Variants in GXYLT1 observed in about 807,000 individuals in gnomAD.
The protein encoded by GXYLT1 is glucoside xylosyltransferase 1, also known as glycosyltransferase 8 domain containing 3.
Under a neutral mutation model 54.0 loss-of-function variants are expected in GXYLT1, and 29 were observed. The observed-to-expected ratio is 0.54, with a 90% CI of 0.40 to 0.73. GXYLT1 has a LOEUF of 0.73. GXYLT1 is among the 30% of genes least tolerant of loss of function. The pLI is 0.00. For missense variants in GXYLT1, 490 were observed against 553.4 expected (o/e 0.89, Z 1.15); for synonymous variants, 176 against 204.1 (o/e 0.86, Z 1.17).
chr12:42,109,700 A>T lies in GXYLT1; in HGVS notation c.487-9T>A. 1 of 1,418,080 alleles carries T rather than the reference A, an allele frequency of 7.1e-7. No homozygotes were observed. The highest frequency in any genetic ancestry group is 9.6e-7 in the Non-Finnish European group (1 of 1,037,832). The allele number at this position is 1,418,080 out of a possible 1,614,324, so 87.8% of individuals were successfully genotyped here. A position where few individuals can be genotyped will look rare whatever the true frequency, so the allele number is the denominator to read the frequency against. The stretch of plus-strand genomic sequence containing the variant: ...AATGACCAGTTGTCAAGCTAAAACA[A>T]TTTAAAAAAAAACTGTTTAGTTTCA... On this transcript the variant is annotated splice_polypyrimidine_tract_variant and intron_variant, in intron 3 of 7. Coordinates refer to ENST00000398675, the MANE Select transcript of GXYLT1 (RefSeq NM_173601.2).
At chr12:42,110,102 A>G (rs1313262021) in intron 3 of GXYLT1, among the ~76,000 whole-genome samples, 1 of 152,244 alleles carries the variant, frequency 6.6e-6, no homozygotes, top group African/African-American at 2.4e-5. Flanking sequence ...TCAAAGTCAG[A>G]CCAAATATGA....
At chr12:42,088,355 A>T (rs1428326363) in intron 7 of GXYLT1, among the ~76,000 whole-genome samples, 2 of 152,148 alleles carry the variant, frequency 1.3e-5, no homozygotes, top group African/African-American at 4.8e-5. Context: ...GAATGGAAGG[A>T]AATGAAGTAA....
chr12:42,086,478 A>G lies in GXYLT1; in HGVS notation c.*1308T>C, dbSNP rs1310500489. On this transcript the variant is annotated 3_prime_UTR_variant, in exon 8 of 8. Transcript: ENST00000398675. Reference sequence around the variant, plus strand: ...TTCCATTTTCTACTTGAGCATTAAAATATCAGGGAGAAAAAGAAGATAACC... The same window carrying G: ...TTCCATTTTCTACTTGAGCATTAAAGTATCAGGGAGAAAAAGAAGATAACC... 1.3e-5 allele frequency: 2 copies of G among 152,370 alleles called. No homozygotes were observed. The highest frequency in any genetic ancestry group is 1.9e-4 in the East Asian group (1 of 5,192). 9.4% of individuals were successfully genotyped at this position (152,370 alleles called of 1,614,324 possible). A position where few individuals can be genotyped will look rare whatever the true frequency, so the allele number is the denominator to read the frequency against.
chr12:42,113,725 C>A (rs1276992816), intron 3 of GXYLT1, among the ~76,000 whole-genome samples: 1 of 150,938 alleles, frequency 6.6e-6, no homozygotes, highest in Non-Finnish European at 1.5e-5. Context: ...ATCAACGAGA[C>A]AGAAAGTTAA....
Position 42,082,511 on chromosome 12 carries a change from CT to C in GXYLT1, c.*5274del, listed in dbSNP as rs2065259846. The C allele has an allele frequency of 6.6e-6, 1 of 152,206 alleles. No individual in the cohort carries two copies. The highest frequency in any genetic ancestry group is 2.1e-4 in the South Asian group (1 of 4,824). The allele number at this position is 152,206 out of a possible 1,614,324, so 9.4% of individuals were successfully genotyped here. A position where few individuals can be genotyped will look rare whatever the true frequency, so the allele number is the denominator to read the frequency against. ...CTTTATTTTTTGAGACAGGGTCTCGCTCTGTCACCCAGGCTGGAGTGCAATG... is the reference window on the plus strand; with the variant it reads ...CTTTATTTTTTGAGACAGGGTCTCGCCTGTCACCCAGGCTGGAGTGCAATG... On this transcript the variant is annotated 3_prime_UTR_variant, in exon 8 of 8. Coordinates refer to ENST00000398675, the MANE Select transcript of GXYLT1 (RefSeq NM_173601.2).
At chr12:42,102,925 T>C (rs536778334) in intron 5 of GXYLT1, among the ~76,000 whole-genome samples, 1 of 151,952 alleles carries the variant, frequency 6.6e-6, no homozygotes, top group Admixed American at 6.5e-5. Flanking sequence ...TTCATTAAAT[T>C]AAATTATTTG....
chr12:42,138,710 T>G (rs532430693), intron 1 of GXYLT1, among the ~76,000 whole-genome samples: 1 of 152,092 alleles, frequency 6.6e-6, no homozygotes. Flanking sequence ...GTATGGCATA[T>G]AGATAATGAT....
intron 2 of GXYLT1, among the ~76,000 whole-genome samples, chr12:42,129,453 C>A (rs2065581737): frequency 6.6e-6 from 1 of 152,106 alleles, no homozygotes; most frequent in African/African-American, 2.4e-5. Flanking sequence ...CTGTAAACGT[C>A]AGTAGAAGCC....
chr12:42,085,086 A>T lies in GXYLT1; in HGVS notation c.*2700T>A, dbSNP rs1342483579. On this transcript the variant is annotated 3_prime_UTR_variant, in exon 8 of 8. Coordinates refer to ENST00000398675, the MANE Select transcript of GXYLT1 (RefSeq NM_173601.2). ...ACCTCTCATCAACTCCAAGAACTGC[A>T]TTTCTTTAGAATTCAAAAGAATTAC... 3 of 152,270 alleles carry T rather than the reference A, an allele frequency of 2.0e-5. No individual in the cohort carries two copies. The highest frequency in any genetic ancestry group is 4.4e-5 in the Non-Finnish European group (3 of 68,042). The allele number at this position is 152,270 out of a possible 1,614,324, so 9.4% of individuals were successfully genotyped here. A position where few individuals can be genotyped will look rare whatever the true frequency, so the allele number is the denominator to read the frequency against.
At chr12:42,133,624 G>A (rs1287045407) in intron 1 of GXYLT1, among the ~76,000 whole-genome samples, 1 of 152,198 alleles carries the variant, frequency 6.6e-6, no homozygotes, top group Non-Finnish European at 1.5e-5. Flanking sequence ...CCAACTCACA[G>A]AAAACTAGCA....
intron 3 of GXYLT1, among the ~76,000 whole-genome samples, chr12:42,117,807 T>C (rs2065506178): frequency 6.6e-6 from 1 of 152,230 alleles, no homozygotes; most frequent in Non-Finnish European, 1.5e-5. Flanking sequence ...CTTACAAGGC[T>C]GACCTGATTA....
At chr12:42,088,053 C>T in intron 7 of GXYLT1, 106 bp from the exon 8 acceptor site, 1 of 498,790 alleles carries the variant, frequency 2.0e-6, no homozygotes, top group Non-Finnish European at 3.4e-6. Context: ...TGAACGATCT[C>T]CATTTAACGT....
At chr12:42,106,750 T>C (rs560079787) in intron 4 of GXYLT1, among the ~76,000 whole-genome samples, 1 of 145,876 alleles carries the variant, frequency 6.9e-6, no homozygotes, top group African/African-American at 2.5e-5. Flanking sequence ...TTTCTTTTTT[T>C]TTTTTTTTTT....
At chr12:42,099,564 G>C (rs2065377704) in intron 5 of GXYLT1, among the ~76,000 whole-genome samples, 1 of 152,090 alleles carries the variant, frequency 6.6e-6, no homozygotes, top group Admixed American at 6.6e-5. Flanking sequence ...TTACTTAATA[G>C]TTATGATGTC....
intron 6 of GXYLT1, 32 bp downstream of exon 6, chr12:42,097,878 T>G: frequency 6.7e-7 from 1 of 1,494,692 alleles, no homozygotes. Flanking sequence ...TGTGATTTTT[T>G]TAATGCAAAT....
intron 5 of GXYLT1, among the ~76,000 whole-genome samples, chr12:42,098,760 C>CATATATATATATAT (rs60199719): frequency 0.033 from 3,168 of 96,640 alleles, 173 homozygotes; most frequent in African/African-American, 0.061. Flanking sequence ...AAATTTAAAA[C>CATATATATATATAT]ATATATATAT....
intron 3 of GXYLT1, among the ~76,000 whole-genome samples, chr12:42,112,025 A>T (rs1397475875): frequency 6.6e-6 from 1 of 152,200 alleles, no homozygotes; most frequent in East Asian, 1.9e-4. Context: ...CCAGGCAAAC[A>T]GGGTCTGGAG....
At chr12:42,104,247 G>A (rs530711856) in intron 5 of GXYLT1, among the ~76,000 whole-genome samples, 1 of 114,676 alleles carries the variant, frequency 8.7e-6, no homozygotes, top group Admixed American at 9.7e-5. Context: ...CAGTTATTGA[G>A]AAGTCACATT....
chr12:42,095,496 G>A (rs1182643431), intron 7 of GXYLT1, among the ~76,000 whole-genome samples: 2 of 151,656 alleles, frequency 1.3e-5, no homozygotes, highest in Non-Finnish European at 2.9e-5. Context: ...AAGAATGAAT[G>A]AAGATATACA....
Sources: gnomAD v4.1 joint callset for allele counts (sites outside exome capture counted in the v4.1 genomes callset) on GRCh38, gnomAD v4.1.1 for gene constraint, MANE v1.5 for transcripts, NCBI Gene and HGNC (gene_info 2026-07-23, HGNC 2026-07-21) for gene names.